Variants in CDC27 observed in about 807,000 individuals in gnomAD.
The protein encoded by CDC27 is cell division cycle 27.
In CDC27, 27 loss-of-function variants were observed where a neutral mutation model predicts 109.7. The ratio of observed to expected loss-of-function variants is 0.25; its 90% confidence interval spans 0.18 to 0.34. The LOEUF is 0.34. CDC27 is among the 10% of genes least tolerant of loss of function. CDC27 has a pLI of 1.00. For missense variants in CDC27, 579 were observed against 960.2 expected (o/e 0.60, Z 5.25); for synonymous variants, 266 against 333.9 (o/e 0.80, Z 2.22).
At chr17:47,156,443 A>G (rs1376919021) in intron 7 of CDC27, among the ~76,000 whole-genome samples, 4 of 150,954 alleles carry the variant, frequency 2.6e-5, no homozygotes, top group Admixed American at 6.6e-5. Flanking sequence ...TGGCCAGTCC[A>G]ATATTCAATA....
chr17:47,130,754 G>A (rs1286487644), intron 15 of CDC27, among the ~76,000 whole-genome samples: 1 of 151,970 alleles, frequency 6.6e-6, no homozygotes, highest in Non-Finnish European at 1.5e-5. Flanking sequence ...TCGGGCACCT[G>A]TAATCCCAGC....
intron 16 of CDC27, among the ~76,000 whole-genome samples, chr17:47,127,985 G>A (rs1257603710): frequency 1.3e-5 from 2 of 151,522 alleles, no homozygotes; most frequent in Non-Finnish European, 2.9e-5. Context: ...GGATTATAGG[G>A]ATTTTTATTA....
rs2061910533 is a variant in CDC27, at chr17:47,117,907, A to G, written c.*3028T>C. 1 of 152,144 alleles carries G rather than the reference A, an allele frequency of 6.6e-6. No individual in the cohort carries two copies. The highest frequency in any genetic ancestry group is 6.5e-5 in the Admixed American group (1 of 15,268). 9.4% of individuals were successfully genotyped at this position (152,144 alleles called of 1,614,324 possible). A position where few individuals can be genotyped will look rare whatever the true frequency, so the allele number is the denominator to read the frequency against. ...GATGGCACAGCTTTCATATAGCTTT[A>G]ACAACTTGATTATAAATTGCTTTCA... On this transcript the variant is annotated 3_prime_UTR_variant, in exon 19 of 19. Coordinates refer to ENST00000066544, the MANE Select transcript of CDC27 (RefSeq NM_001256.6).
chr17:47,173,230 A>G (rs1410901334), intron 2 of CDC27, among the ~76,000 whole-genome samples: 1 of 152,256 alleles, frequency 6.6e-6, no homozygotes, highest in Non-Finnish European at 1.5e-5. Flanking sequence ...ATGTGCAAGC[A>G]AAAACCAACA....
At chr17:47,127,790 C>T (rs2062192683) in intron 16 of CDC27, among the ~76,000 whole-genome samples, 1 of 151,996 alleles carries the variant, frequency 6.6e-6, no homozygotes, top group African/African-American at 2.4e-5. Context: ...GCAACCTCCG[C>T]CTCCTGAGCT....
At chr17:47,138,332 T>C (rs2062686249) in intron 13 of CDC27, among the ~76,000 whole-genome samples, 1 of 152,234 alleles carries the variant, frequency 6.6e-6, no homozygotes, top group African/African-American at 2.4e-5. Flanking sequence ...TTAAATATTT[T>C]TGAGATGCAA....
At chr17:47,147,919 G>C (rs1390776105) in intron 9 of CDC27, among the ~76,000 whole-genome samples, 24 of 116,128 alleles carry the variant, frequency 2.1e-4, no homozygotes, top group African/African-American at 7.2e-4. Flanking sequence ...AAAAAAAAAA[G>C]GCTGGGCGCG....
intron 9 of CDC27, among the ~76,000 whole-genome samples, chr17:47,150,785 C>A (rs1053511738): frequency 2.6e-5 from 4 of 152,202 alleles, no homozygotes; most frequent in Non-Finnish European, 2.9e-5. Context: ...GTAATCCCAG[C>A]ACTTTGGGAG....
chr17:47,144,871 T>TCACACACACACACACACACACACACA lies in CDC27; in HGVS notation c.1071-890_1071-889insTGTGTGTGTGTGTGTGTGTGTGTGTG, dbSNP rs35160918. On this transcript the variant is annotated intron_variant, in intron 9 of 18. Transcript: ENST00000066544. ...CTCTGTATATGCATGTGTGTGTATATCACACACACACACACACACACATAA... is the reference window on the plus strand; with the variant it reads ...CTCTGTATATGCATGTGTGTGTATATCACACACACACACACACACACACACACACACACACACACACACACACATAA... Among the ~76,000 whole-genome samples, 991 of 149,958 alleles carry TCACACACACACACACACACACACACA rather than the reference T, an allele frequency of 6.6e-3. 4 individuals carry two copies. Among genetic ancestry groups the TCACACACACACACACACACACACACA allele is most frequent in the Middle Eastern group, 0.031 (9 of 288 alleles).
intron 13 of CDC27, among the ~76,000 whole-genome samples, chr17:47,138,231 A>G (rs543701831): frequency 6.6e-6 from 1 of 152,304 alleles, no homozygotes; most frequent in South Asian, 2.1e-4. Context: ...CAGTAGCACT[A>G]ATTCAGTGTT....
chr17:47,151,599 G>A (rs2063152093), intron 9 of CDC27, among the ~76,000 whole-genome samples: 2 of 152,124 alleles, frequency 1.3e-5, no homozygotes, highest in Non-Finnish European at 2.9e-5. Context: ...CTAAAATGCT[G>A]CTTTAGTTAA....
At chr17:47,167,242 C>A (rs1371689046) in intron 4 of CDC27, among the ~76,000 whole-genome samples, 2 of 152,136 alleles carry the variant, frequency 1.3e-5, no homozygotes, top group Admixed American at 6.6e-5. Context: ...TCTAATGCAA[C>A]TTTTTTCAAC....
intron 9 of CDC27, among the ~76,000 whole-genome samples, chr17:47,148,453 T>C (rs2063047598): frequency 6.6e-6 from 1 of 151,958 alleles, no homozygotes; most frequent in Non-Finnish European, 1.5e-5. Flanking sequence ...AGCAATCTAA[T>C]ATACAAGTAC....
At chr17:47,147,343 G>C (rs990231964) in intron 9 of CDC27, among the ~76,000 whole-genome samples, 1 of 151,508 alleles carries the variant, frequency 6.6e-6, no homozygotes, top group African/African-American at 2.4e-5. Flanking sequence ...AGCTTGCAGT[G>C]AGTCGAGATC....
intron 14 of CDC27, among the ~76,000 whole-genome samples, chr17:47,133,567 G>A (rs1179677538): frequency 3.3e-5 from 5 of 151,140 alleles, no homozygotes; most frequent in Non-Finnish European, 7.4e-5. Flanking sequence ...AGCCTTCCGA[G>A]TAGCTGGGAT....
chr17:47,125,884 C>T (rs1054432009), intron 16 of CDC27, among the ~76,000 whole-genome samples: 3 of 152,170 alleles, frequency 2.0e-5, no homozygotes, highest in Non-Finnish European at 4.4e-5. Context: ...CTCCAATCCT[C>T]CTTCACTGCT....
chr17:47,173,052 C>T (rs954778162), intron 2 of CDC27, among the ~76,000 whole-genome samples: 7 of 152,182 alleles, frequency 4.6e-5, no homozygotes, highest in Non-Finnish European at 7.3e-5. Context: ...CAGTAATCTA[C>T]GTGGTTAACA....
chr17:47,143,208 C>A (rs1292115250), intron 10 of CDC27, among the ~76,000 whole-genome samples: 1 of 152,108 alleles, frequency 6.6e-6, no homozygotes, highest in African/African-American at 2.4e-5. Context: ...AAGTGATCGG[C>A]CCACCTTGGC....
chr17:47,133,028 T>TATATAC (rs1555783886), intron 14 of CDC27, among the ~76,000 whole-genome samples: 125 of 29,756 alleles, frequency 4.2e-3, no homozygotes, highest in Non-Finnish European at 5.8e-3. Flanking sequence ...TATATATATA[T>TATATAC]ACACACACAC....
Sources: allele counts gnomAD v4.1 joint callset (sites outside exome capture counted in the v4.1 genomes callset), GRCh38; gene constraint gnomAD v4.1.1; transcripts MANE v1.5; gene names NCBI Gene and HGNC (gene_info 2026-07-23, HGNC 2026-07-21).